Variants in RCC2 observed in about 807,000 individuals in gnomAD.
RCC2 encodes the protein protein RCC2.
RCC2 carries 19 observed loss-of-function variants against 64.1 expected under a neutral mutation model. That is an observed-to-expected ratio of 0.30 (90% CI 0.21 to 0.44). The LOEUF (loss-of-function observed/expected upper bound fraction) is 0.44. RCC2 is among the 20% of genes least tolerant of loss of function. The probability of loss-of-function intolerance (pLI) is 1.00; values close to 1 mark genes in which losing one functional copy is unlikely to be tolerated. For synonymous variants in RCC2, 325 were observed against 279.6 expected (o/e 1.16, Z -1.62); for missense variants, 508 against 710.4 (o/e 0.72, Z 3.24).
At chr1:17,411,045 C>T (rs576212023) in intron 11 of RCC2, among the ~76,000 whole-genome samples, 2 of 152,250 alleles carry the variant, frequency 1.3e-5, no homozygotes, top group East Asian at 1.9e-4. Context: ...CATTCACCAT[C>T]CATCCCAGCC....
chr1:17,412,546 T>C (rs942105335), intron 10 of RCC2, among the ~76,000 whole-genome samples: 1 of 152,198 alleles, frequency 6.6e-6, no homozygotes, highest in Non-Finnish European at 1.5e-5. Flanking sequence ...CCTTCATGCA[T>C]AATGATTTGG....
chr1:17,431,265 C>T (rs2075672239), intron 2 of RCC2, among the ~76,000 whole-genome samples: 2 of 133,034 alleles, frequency 1.5e-5, no homozygotes, highest in African/African-American at 2.9e-5. Context: ...ACCCAGGAGG[C>T]GGAGCTTGCA....
intron 2 of RCC2, among the ~76,000 whole-genome samples, chr1:17,433,911 T>C (rs960163519): frequency 6.6e-5 from 10 of 152,102 alleles, no homozygotes; most frequent in Non-Finnish European, 1.0e-4. Flanking sequence ...GACTTCCGGG[T>C]TGGCTTTCAG....
chr1:17,413,304 G>T, intron 9 of RCC2, 126 bp from the exon 10 acceptor site: 2 of 866,762 alleles, frequency 2.3e-6, no homozygotes, highest in Non-Finnish European at 3.7e-6. Context: ...GATAACTGGA[G>T]CCAGGCGTGG....
At position 17,412,543 on chromosome 1, in the gene RCC2, G is replaced by A. The variant is rs550030141; in HGVS notation, c.1314-349C>T. Among the ~76,000 whole-genome samples the A allele has an allele frequency of 2.6e-5, 4 of 152,316 alleles. No individual in the cohort carries two copies. In the East Asian group the frequency reaches 7.7e-4, roughly 29 times the overall value. ...CTGTTCCAGAGGGAGCAGCCTTCATGCATAATGATTTGGGCAGGGCTAGAG... is the reference window on the plus strand; with the variant it reads ...CTGTTCCAGAGGGAGCAGCCTTCATACATAATGATTTGGGCAGGGCTAGAG... On this transcript the variant is annotated intron_variant, in intron 10 of 12. Coordinates refer to ENST00000375436, the MANE Select transcript of RCC2 (RefSeq NM_018715.4).
At chr1:17,411,962 C>G (rs983017010) in intron 11 of RCC2, among the ~76,000 whole-genome samples, 160 bp downstream of exon 11, 1 of 152,204 alleles carries the variant, frequency 6.6e-6, no homozygotes, top group African/African-American at 2.4e-5. Flanking sequence ...TCCTTGAAAA[C>G]TCATGGGACT....
At chr1:17,426,660 G>A (rs909868408) in intron 3 of RCC2, among the ~76,000 whole-genome samples, 2 of 151,814 alleles carry the variant, frequency 1.3e-5, no homozygotes, top group African/African-American at 4.8e-5. Context: ...TGCCTGGCAC[G>A]CAGCGAGCAC....
At chr1:17,424,428 G>A (rs2075590746) in intron 4 of RCC2, among the ~76,000 whole-genome samples, 1 of 152,208 alleles carries the variant, frequency 6.6e-6, no homozygotes. Flanking sequence ...TGTGTTCAGT[G>A]TTGGAACACA....
chr1:17,411,093 C>A (rs1364905630), intron 11 of RCC2, among the ~76,000 whole-genome samples: 2 of 152,138 alleles, frequency 1.3e-5, no homozygotes, highest in Non-Finnish European at 2.9e-5. Context: ...TCCTTCCCCT[C>A]CTCTCCATCA....
intron 5 of RCC2, 144 bp from the exon 6 acceptor site, chr1:17,422,435 G>A (rs558195256): frequency 7.6e-6 from 6 of 792,192 alleles, no homozygotes; most frequent in East Asian, 5.4e-5. Flanking sequence ...TGGCAGTGCA[G>A]ACGCTTCACA....
chr1:17,427,063 C>A (rs2075624759), intron 3 of RCC2, among the ~76,000 whole-genome samples: 1 of 152,156 alleles, frequency 6.6e-6, no homozygotes, highest in South Asian at 2.1e-4. Flanking sequence ...GCCCAGCAAT[C>A]TTAATTTTTG....
At chr1:17,431,659 A>G (rs929612452) in intron 2 of RCC2, among the ~76,000 whole-genome samples, 1 of 151,608 alleles carries the variant, frequency 6.6e-6, no homozygotes, top group Non-Finnish European at 1.5e-5. Context: ...GATGATTTCC[A>G]CTTCAATAGG....
chr1:17,423,357 A>G (rs1351357511), intron 4 of RCC2, among the ~76,000 whole-genome samples: 1 of 152,228 alleles, frequency 6.6e-6, no homozygotes, highest in East Asian at 1.9e-4. Flanking sequence ...TGGTGCTCAC[A>G]TAACAGTGCC....
Position 17,416,353 on chromosome 1 carries a change from T to C in RCC2, c.1026+127A>G, listed in dbSNP as rs2075484830. The C allele has an allele frequency of 2.8e-6, 3 of 1,088,860 alleles. No individual in the cohort carries two copies. The African/African-American group carries it at 4.7e-5, about 17-fold the overall frequency. 67.4% of individuals were successfully genotyped at this position (1,088,860 alleles called of 1,614,324 possible). Reference sequence around the variant, plus strand: ...CCTTTGGCCAAGGTGCAAAGCCCTCTTGAAGAAGCAAGCAGATGTCTACCT... The same window carrying C: ...CCTTTGGCCAAGGTGCAAAGCCCTCCTGAAGAAGCAAGCAGATGTCTACCT... On this transcript the variant is annotated intron_variant, in intron 8 of 12. Coordinates refer to ENST00000375436, the MANE Select transcript of RCC2 (RefSeq NM_018715.4).
Position 17,425,596 on chromosome 1 carries a change from G to A in RCC2, c.468C>T (p.Gly156=), listed in dbSNP as rs781081404. Residue 156 remains glycine (G), a synonymous_variant, in exon 4 of 13, where the codon GGC becomes GGT. Coordinates refer to ENST00000375436, the MANE Select transcript of RCC2 (RefSeq NM_018715.4). The part of the protein sequence containing the change: ...AGVRVRTVVS[G]SCAAHSLLIT... ...TGAGGAGGCTGTGTGCAGCACACGAGCCCGAGACCACTGTCCGCACCCGGA... is the reference window on the plus strand; with the variant it reads ...TGAGGAGGCTGTGTGCAGCACACGAACCCGAGACCACTGTCCGCACCCGGA... The A allele has an allele frequency of 3.1e-6, 5 of 1,613,960 alleles. No individual in the cohort carries two copies. In the African/African-American group the frequency reaches 6.7e-5, roughly 22 times the overall value.
intron 3 of RCC2, among the ~76,000 whole-genome samples, chr1:17,426,734 G>A (rs1308108508): frequency 6.6e-6 from 1 of 151,170 alleles, no homozygotes; most frequent in East Asian, 1.9e-4. Flanking sequence ...ATTAGAGGAT[G>A]GGGCAGGGCC....
In RCC2 at chr1:17,413,567, A is replaced by G. The variant is rs1198576701; in HGVS notation, c.1177T>C (p.Tyr393His). 1 of 1,614,096 alleles carries G rather than the reference A, an allele frequency of 6.2e-7. No homozygotes were observed. Among genetic ancestry groups the G allele is most frequent in the Non-Finnish European group, 8.5e-7 (1 of 1,179,930 alleles). Residue 393 changes from tyrosine to histidine, a missense_variant, in exon 9 of 13, where the codon TAC (tyrosine) becomes CAC (histidine). Around this residue, in one of 4 missense-constraint regions of RCC2, gnomAD observed 179 missense variants for 322.0 expected, o/e 0.56. Coordinates refer to ENST00000375436, the MANE Select transcript of RCC2 (RefSeq NM_018715.4). Reference protein sequence around the residue: ...GRGASQIYAGYTCSFAVSEVG... With the variant: ...GRGASQIYAGHTCSFAVSEVG... ...TCACTGACAGCAAAGGAGCAGGTGT[A>G]ACCAGCATAGATCTGGGAAGCCCCA...
chr1:17,426,759 C>CTTTTTTTTTTTTTTTTTTTTTT (rs146347066), intron 3 of RCC2, among the ~76,000 whole-genome samples: 1 of 110,002 alleles, frequency 9.1e-6, no homozygotes, highest in Non-Finnish European at 1.8e-5. Flanking sequence ...TCTTACTTTT[C>CTTTTTTTTTTTTTTTTTTTTTT]TTTTTTTTTT....
At chr1:17,420,671 A>T in intron 7 of RCC2, 43 bp downstream of exon 7, 1 of 1,265,942 alleles carries the variant, frequency 7.9e-7, no homozygotes, top group Non-Finnish European at 1.1e-6. Context: ...TTCTGAATAT[A>T]TACAGTTAGA....
Sources: gnomAD v4.1 joint callset for allele counts (sites outside exome capture counted in the v4.1 genomes callset) on GRCh38, gnomAD v4.1.1 for gene constraint, gnomAD v4.1.1 regional missense constraint, MANE v1.5 for transcripts, NCBI Gene and HGNC (gene_info 2026-07-23, HGNC 2026-07-21) for gene names.